Variants in ASCC3 observed in about 807,000 individuals in gnomAD.
ASCC3 encodes the protein ASC-1 complex subunit P200.
ASCC3 carries 158 observed loss-of-function variants against 256.3 expected under a neutral mutation model. That is an observed-to-expected ratio of 0.62 (90% confidence interval 0.54 to 0.70). The LOEUF (loss-of-function observed/expected upper bound fraction) is 0.70, where lower values mean the gene tolerates loss of function less well. Among genes scored for constraint, ASCC3 ranks in the 30% least tolerant of loss-of-function variants. The pLI is 0.00. For missense variants in ASCC3, 2,259 were observed against 2,626.0 expected (o/e 0.86, Z 3.05); for synonymous variants, 948 against 883.4 (o/e 1.07, Z -1.30).
intron 3 of ASCC3, among the ~76,000 whole-genome samples, chr6:100,849,565 A>C (rs928236814): frequency 2.0e-5 from 3 of 152,150 alleles, no homozygotes; most frequent in Non-Finnish European, 4.4e-5. Flanking sequence ...TAAAATAAAA[A>C]AGAAAGCTCC....
intron 3 of ASCC3, among the ~76,000 whole-genome samples, chr6:100,863,290 T>C (rs568070769): frequency 2.6e-5 from 4 of 152,284 alleles, no homozygotes; most frequent in African/African-American, 7.2e-5. Context: ...AATTTCAAAT[T>C]ACATTTTCCT....
chr6:100,746,760 A>G (rs1251034566), intron 10 of ASCC3, among the ~76,000 whole-genome samples: 1 of 152,220 alleles, frequency 6.6e-6, no homozygotes, highest in Non-Finnish European at 1.5e-5. Context: ...AAAAAGAACA[A>G]GTTGGAAGAC....
chr6:100,518,113 GC>G lies in ASCC3; in HGVS notation c.5804del (p.Gly1935AlafsTer4), dbSNP rs1317404571. ...TGATATTCAGGACAGTCACCAGCCAGCCCTGGTTTGCAGCCACGTCCAGCAT... is the reference window on the plus strand; with the variant it reads ...TGATATTCAGGACAGTCACCAGCCAGCCTGGTTTGCAGCCACGTCCAGCAT... ...QAMLDVAANQ[G>X]WLVTVLNITN... On this transcript the variant is annotated frameshift_variant, in exon 38 of 42. Coordinates refer to ENST00000369162, the MANE Select transcript of ASCC3 (RefSeq NM_006828.4). LOFTEE classifies it high-confidence loss of function. The G allele has an allele frequency of 6.2e-7, 1 of 1,613,468 alleles. No homozygotes were observed. The highest frequency in any genetic ancestry group is 8.5e-7 in the Non-Finnish European group (1 of 1,179,680).
chr6:100,851,967 G>A (rs1345743528), intron 3 of ASCC3, among the ~76,000 whole-genome samples: 1 of 152,166 alleles, frequency 6.6e-6, no homozygotes, highest in African/African-American at 2.4e-5. Context: ...TTCCCTAAGA[G>A]GCACCGACAT....
At chr6:100,687,128 T>C (rs553366085) in intron 13 of ASCC3, among the ~76,000 whole-genome samples, 1 of 150,556 alleles carries the variant, frequency 6.6e-6, no homozygotes, top group Non-Finnish European at 1.5e-5. Flanking sequence ...TGAAAAAATA[T>C]CAATTGAAGA....
At chr6:100,815,186 T>C (rs1351285584) in intron 4 of ASCC3, among the ~76,000 whole-genome samples, 1 of 151,938 alleles carries the variant, frequency 6.6e-6, no homozygotes, top group Non-Finnish European at 1.5e-5. Flanking sequence ...AAAAATAAAA[T>C]ATCTAGAAAT....
intron 13 of ASCC3, among the ~76,000 whole-genome samples, chr6:100,709,062 T>C (rs990107317): frequency 3.3e-5 from 5 of 151,192 alleles, no homozygotes; most frequent in South Asian, 2.1e-4. Context: ...TAACCTTACA[T>C]AGCACTAGAT....
At chr6:100,777,789 G>T (rs573460428) in intron 8 of ASCC3, among the ~76,000 whole-genome samples, 1 of 152,024 alleles carries the variant, frequency 6.6e-6, no homozygotes, top group Admixed American at 6.6e-5. Context: ...ACATGAGATG[G>T]GAAAGAAAGA....
At chr6:100,864,407 G>A (rs1035813546) in intron 2 of ASCC3, among the ~76,000 whole-genome samples, 193 bp from the exon 3 acceptor site, 2 of 152,088 alleles carry the variant, frequency 1.3e-5, no homozygotes, top group East Asian at 1.9e-4. Flanking sequence ...ATTCTCATTC[G>A]TTGAAAAGAT....
At chr6:100,664,729 G>A (rs189429568) in intron 14 of ASCC3, among the ~76,000 whole-genome samples, 1 of 152,194 alleles carries the variant, frequency 6.6e-6, no homozygotes, top group African/African-American at 2.4e-5. Context: ...CAGCTCTTAT[G>A]AATATGGAAA....
In ASCC3 at chr6:100,518,161, C is replaced by T. The variant is rs1562088319; in HGVS notation, c.5776-19G>A. ...GCATTGCCTGAACAGGGAAAATGCACATGTTACAAGAATTATATCATGGTA... is the reference window on the plus strand; with the variant it reads ...GCATTGCCTGAACAGGGAAAATGCATATGTTACAAGAATTATATCATGGTA... On this transcript the variant is annotated intron_variant, in intron 37 of 41. Coordinates refer to ENST00000369162, the MANE Select transcript of ASCC3 (RefSeq NM_006828.4). The T allele has an allele frequency of 1.2e-6, 2 of 1,613,138 alleles. No homozygotes were observed. Among genetic ancestry groups the T allele is most frequent in the South Asian group, 2.2e-5 (2 of 91,048 alleles).
intron 37 of ASCC3, chr6:100,530,244 A>T: frequency 1.1e-6 from 1 of 890,070 alleles, no homozygotes. Context: ...TCAGAGCCAC[A>T]GGAGGAGGGG....
chr6:100,602,050 T>G, intron 33 of ASCC3, 115 bp from the exon 34 acceptor site: 1 of 1,041,500 alleles, frequency 9.6e-7, no homozygotes, highest in Non-Finnish European at 1.4e-6. Context: ...ACAAATTTGT[T>G]TTATATAACT....
chr6:100,737,655 A>G (rs1198718441), intron 10 of ASCC3, among the ~76,000 whole-genome samples: 2 of 152,080 alleles, frequency 1.3e-5, no homozygotes, highest in African/African-American at 2.4e-5. Flanking sequence ...TTGATTCCAT[A>G]TCTTTGCTAT....
chr6:100,792,265 G>A (rs1419915871), intron 8 of ASCC3, among the ~76,000 whole-genome samples: 1 of 151,644 alleles, frequency 6.6e-6, no homozygotes, highest in Non-Finnish European at 1.5e-5. Flanking sequence ...GTGCTAATTG[G>A]GTATATTTCG....
rs1043031870 is a variant in ASCC3 at position 100,545,107 on chromosome 6, T to C, written c.5551-4720A>G. Among the ~76,000 whole-genome samples, 6 of 152,168 alleles carry C rather than the reference T, an allele frequency of 3.9e-5. No individual in the cohort carries two copies. The East Asian group carries it at 1.2e-3, about 29-fold the overall frequency. Reference sequence around the variant, plus strand: ...AAAATCTGACAAAGTTCAACATCCATGCCTAACAAAAACTCTCAGCAAACT... The same window carrying C: ...AAAATCTGACAAAGTTCAACATCCACGCCTAACAAAAACTCTCAGCAAACT... On this transcript the variant is annotated intron_variant, in intron 36 of 41. Coordinates refer to ENST00000369162, the MANE Select transcript of ASCC3 (RefSeq NM_006828.4).
At chr6:100,590,906 A>G (rs1051335900) in intron 34 of ASCC3, among the ~76,000 whole-genome samples, 6 of 152,180 alleles carry the variant, frequency 3.9e-5, no homozygotes, top group African/African-American at 1.4e-4. Context: ...TAATGTCAGG[A>G]CATATTTTCA....
intron 6 of ASCC3, 92 bp downstream of exon 6, chr6:100,800,208 T>C (rs1324075145): frequency 1.5e-5 from 21 of 1,375,588 alleles, no homozygotes; most frequent in East Asian, 1.1e-4. Context: ...GTAAAAATCA[T>C]CTATACTGCT....
At chr6:100,685,235 T>G (rs975391893) in intron 13 of ASCC3, among the ~76,000 whole-genome samples, 3 of 152,198 alleles carry the variant, frequency 2.0e-5, no homozygotes, top group Non-Finnish European at 2.9e-5. Context: ...TTGTTTTACA[T>G]TATGTGGCAC....
Sources: gnomAD v4.1 joint callset for allele counts (sites outside exome capture counted in the v4.1 genomes callset) on GRCh38, gnomAD v4.1.1 for gene constraint, MANE v1.5 for transcripts, NCBI Gene and HGNC (gene_info 2026-07-23, HGNC 2026-07-21) for gene names.